Variants in ITGBL1 observed in about 807,000 individuals in gnomAD.
ITGBL1 encodes integrin beta-like protein 1.
ITGBL1 carries 51 observed loss-of-function variants against 68.5 expected under a neutral mutation model. That is an observed-to-expected ratio of 0.74 (90% CI 0.59 to 0.94). The LOEUF (loss-of-function observed/expected upper bound fraction) is 0.94. Among genes scored for constraint, ITGBL1 ranks in the 40% least tolerant of loss-of-function variants. The pLI is 0.00. For synonymous variants in ITGBL1, 209 were observed against 227.3 expected (o/e 0.92, Z 0.72); for missense variants, 649 against 647.4 (o/e 1.00, Z -0.03).
chr13:101,665,376 A>G (rs998682302), intron 7 of ITGBL1, among the ~76,000 whole-genome samples: 1 of 151,854 alleles, frequency 6.6e-6, no homozygotes, highest in Non-Finnish European at 1.5e-5. Context: ...TCTGTTTTTT[A>G]TATGTTATTA....
intron 7 of ITGBL1, among the ~76,000 whole-genome samples, chr13:101,677,926 A>C (rs1225455191): frequency 6.6e-6 from 1 of 152,224 alleles, no homozygotes; most frequent in African/African-American, 2.4e-5. Flanking sequence ...TGATGCTAAA[A>C]ACTGTTTTCC....
chr13:101,560,332 A>G (rs2050078945), intron 2 of ITGBL1, among the ~76,000 whole-genome samples: 1 of 152,220 alleles, frequency 6.6e-6, no homozygotes. Flanking sequence ...ATTTGAACAA[A>G]GCAAATGAAT....
At chr13:101,671,445 T>TG (rs1200135547) in intron 7 of ITGBL1, among the ~76,000 whole-genome samples, 5 of 110,980 alleles carry the variant, frequency 4.5e-5, no homozygotes, top group East Asian at 3.8e-4. Flanking sequence ...TTGTTTTTTT[T>TG]TGTTTTTTTT....
At chr13:101,719,455 A>T (rs2034845416), downstream of ITGBL1, 1 of 152,066 alleles carries the variant, frequency 6.6e-6, no homozygotes, top group Non-Finnish European at 1.5e-5. Context: ...ATTCTTCAGG[A>T]TTTGTAATGA....
At chr13:101,583,186 G>A (rs752215659) in intron 5 of ITGBL1, 30 bp from the exon 6 acceptor site, 2 of 1,605,348 alleles carry the variant, frequency 1.2e-6, no homozygotes, top group Non-Finnish European at 8.5e-7. Flanking sequence ...TTCTTGACTG[G>A]ATTCTTATAA....
intron 7 of ITGBL1, among the ~76,000 whole-genome samples, chr13:101,601,935 G>T (rs1254521482): frequency 2.6e-5 from 4 of 152,060 alleles, no homozygotes; most frequent in African/African-American, 9.7e-5. Context: ...ATCCCTGAAT[G>T]AGGGGCTATT....
At chr13:101,507,210 AT>A (rs1283457888) in intron 2 of ITGBL1, among the ~76,000 whole-genome samples, 1 of 151,998 alleles carries the variant, frequency 6.6e-6, no homozygotes, top group Non-Finnish European at 1.5e-5. Flanking sequence ...AGTCAGAGCT[AT>A]TTATTCCCTG....
chr13:101,641,349 T>G (rs2032360068), intron 7 of ITGBL1, among the ~76,000 whole-genome samples: 1 of 152,036 alleles, frequency 6.6e-6, no homozygotes, highest in Non-Finnish European at 1.5e-5. Context: ...TATATTTCTT[T>G]TTATTTTTTT....
At chr13:101,454,146 C>G (rs1438965075) in intron 2 of ITGBL1, 46 bp downstream of exon 2, 1 of 1,420,272 alleles carries the variant, frequency 7.0e-7, no homozygotes, top group Non-Finnish European at 9.5e-7. Context: ...CGAAACTCCT[C>G]TTCTGGGATT....
intron 7 of ITGBL1, among the ~76,000 whole-genome samples, chr13:101,671,449 T>C (rs936226153): frequency 3.1e-5 from 4 of 127,726 alleles, no homozygotes; most frequent in African/African-American, 1.1e-4. Context: ...TTTTTTTTGT[T>C]TTTTTTTGAG....
intron 7 of ITGBL1, among the ~76,000 whole-genome samples, chr13:101,641,430 C>T (rs1402899573): frequency 6.6e-6 from 1 of 151,822 alleles, no homozygotes. Flanking sequence ...TAAAGTCTCT[C>T]TGATTTTTTG....
At chr13:101,578,251 A>T (rs2050396876) in intron 4 of ITGBL1, among the ~76,000 whole-genome samples, 1 of 152,324 alleles carries the variant, frequency 6.6e-6, no homozygotes, top group South Asian at 2.1e-4. Flanking sequence ...TATGCTTATA[A>T]GACAATGAAA....
intron 2 of ITGBL1, among the ~76,000 whole-genome samples, chr13:101,467,317 C>G (rs961915800): frequency 1.3e-5 from 2 of 152,124 alleles, no homozygotes; most frequent in African/African-American, 4.8e-5. Flanking sequence ...AGCTTCCAAA[C>G]CTGGTCTGAG....
intron 4 of ITGBL1, among the ~76,000 whole-genome samples, chr13:101,578,537 T>G (rs528181487): frequency 6.6e-6 from 1 of 152,292 alleles, no homozygotes; most frequent in East Asian, 1.9e-4. Context: ...AAAGCAATGG[T>G]GCGATAATTC....
chr13:101,562,325 G>C (rs2050113242), intron 2 of ITGBL1, among the ~76,000 whole-genome samples: 1 of 152,030 alleles, frequency 6.6e-6, no homozygotes, highest in Non-Finnish European at 1.5e-5. Flanking sequence ...AAAGTTGGTA[G>C]ATTTATATCC....
intron 7 of ITGBL1, among the ~76,000 whole-genome samples, chr13:101,682,904 C>T (rs551063676): frequency 1.4e-4 from 22 of 152,112 alleles, no homozygotes; most frequent in African/African-American, 5.1e-4. Context: ...TGAAAACTCT[C>T]ACCTATATTC....
At chr13:101,500,067 C>T (rs1183434367) in intron 2 of ITGBL1, among the ~76,000 whole-genome samples, 1 of 152,148 alleles carries the variant, frequency 6.6e-6, no homozygotes, top group Non-Finnish European at 1.5e-5. Context: ...TAAAACTGGC[C>T]ACTCGACCCT....
chr13:101,466,849 CCT>C, intron 2 of ITGBL1, among the ~76,000 whole-genome samples: 2 of 152,226 alleles, frequency 1.3e-5, no homozygotes, highest in East Asian at 3.9e-4. Flanking sequence ...AGGAAGGACT[CCT>C]TTAGAATTTG....
At chr13:101,692,555 A>G (rs571972592) in intron 7 of ITGBL1, 30 bp from the exon 8 acceptor site, 9 of 1,461,966 alleles carry the variant, frequency 6.2e-6, no homozygotes, top group African/African-American at 4.2e-5. Context: ...GACTCTCCTC[A>G]TAAGTGTGCA....
Sources: allele counts gnomAD v4.1 joint callset (sites outside exome capture counted in the v4.1 genomes callset), GRCh38; gene constraint gnomAD v4.1.1; transcripts MANE v1.5; gene names NCBI Gene and HGNC (gene_info 2026-07-23, HGNC 2026-07-21).